The following EIF3D variants were observed in gnomAD, a reference collection of about 807,000 sequenced individuals.
The protein encoded by EIF3D is eIF3 p66.
Under a neutral mutation model 75.4 loss-of-function variants are expected in EIF3D, and 10 were observed. That is an observed-to-expected ratio of 0.13 (90% CI 0.08 to 0.22). The LOEUF is 0.22. EIF3D is among the 10% of genes least tolerant of loss of function. The pLI is 1.00. For synonymous variants in EIF3D, 246 were observed against 248.3 expected (o/e 0.99, Z 0.09); for missense variants, 394 against 708.0 (o/e 0.56, Z 5.03).
At chr22:36,520,546 G>A in intron 7 of EIF3D, 30 bp downstream of exon 7, 1 of 1,491,796 alleles carries the variant, frequency 6.7e-7, no homozygotes, top group Non-Finnish European at 9.3e-7. Flanking sequence ...CATAAGAGCA[G>A]TGTAGAAAGT....
At chr22:36,524,114 T>C (rs1934558401) in intron 4 of EIF3D, 134 bp from the exon 5 acceptor site, 2 of 876,822 alleles carry the variant, frequency 2.3e-6, no homozygotes, top group African/African-American at 1.6e-5. Flanking sequence ...GTGCTTTCAC[T>C]CTACGGCATC....
chr22:36,518,943 G>C (rs145330974), intron 8 of EIF3D, 33 bp from the exon 9 acceptor site: 7 of 1,610,638 alleles, frequency 4.3e-6, no homozygotes, highest in East Asian at 4.5e-5. Context: ...AAGATGGAAA[G>C]ACACTCCCAG....
intron 6 of EIF3D, among the ~76,000 whole-genome samples, chr22:36,521,099 C>T (rs923972202): frequency 6.6e-6 from 1 of 152,136 alleles, no homozygotes; most frequent in African/African-American, 2.4e-5. Flanking sequence ...ACTCGGGAGG[C>T]TGAGGCAGGA....
intron 3 of EIF3D, among the ~76,000 whole-genome samples, chr22:36,525,096 C>G (rs1210607096): frequency 6.6e-6 from 1 of 152,166 alleles, no homozygotes; most frequent in Non-Finnish European, 1.5e-5. Flanking sequence ...GCAGGTATGT[C>G]TAATAGATCA....
chr22:36,512,181 C>T (rs139222161), intron 13 of EIF3D, among the ~76,000 whole-genome samples: 39 of 152,236 alleles, frequency 2.6e-4, no homozygotes, highest in African/African-American at 8.4e-4. Context: ...TGAGCCACCG[C>T]GCCCGGCAGT....
chr22:36,513,635 AT>A (rs1161385858), intron 12 of EIF3D, among the ~76,000 whole-genome samples: 1 of 152,134 alleles, frequency 6.6e-6, no homozygotes, highest in Non-Finnish European at 1.5e-5. Flanking sequence ...GGGTCAAACC[AT>A]GTATTAGTAT....
chr22:36,512,870 C>T (rs1484136143), intron 12 of EIF3D: 1 of 417,260 alleles, frequency 2.4e-6, no homozygotes, highest in Admixed American at 3.9e-5. Context: ...CACACACACA[C>T]ACACACACAC....
At chr22:36,521,308 A>G (rs1934508852) in intron 6 of EIF3D, among the ~76,000 whole-genome samples, 3 of 152,204 alleles carry the variant, frequency 2.0e-5, no homozygotes, top group Non-Finnish European at 4.4e-5. Flanking sequence ...AAGAGGACCA[A>G]AGGGATCAAA....
At chr22:36,524,169 G>C (rs952052411) in intron 4 of EIF3D, among the ~76,000 whole-genome samples, 189 bp from the exon 5 acceptor site, 1 of 152,110 alleles carries the variant, frequency 6.6e-6, no homozygotes, top group Non-Finnish European at 1.5e-5. Flanking sequence ...ACTTTGCTTA[G>C]ACCTATACTC....
chr22:36,511,244 A>G (rs1934329317), intron 14 of EIF3D: 13 of 823,376 alleles, frequency 1.6e-5, no homozygotes, highest in Admixed American at 8.9e-5. Context: ...ACCGGCTTCA[A>G]TCTGGGACTT....
chr22:36,517,472 G>C lies in EIF3D; in HGVS notation c.860-41C>G, dbSNP rs1934446159. 3.8e-6 allele frequency: 6 copies of C among 1,584,776 alleles called. No individual in the cohort carries two copies. In the East Asian group the frequency reaches 1.4e-4, roughly 36 times the overall value. On this transcript the variant is annotated intron_variant, in intron 9 of 14. Coordinates refer to ENST00000216190, the MANE Select transcript of EIF3D (RefSeq NM_003753.4). Reference sequence around the variant, plus strand: ...ATGGTCACTCACCATGCAACAAAGAGTCACTGACAATGTGCGCAGCGCTGT... The same window carrying C: ...ATGGTCACTCACCATGCAACAAAGACTCACTGACAATGTGCGCAGCGCTGT...
In EIF3D at chr22:36,510,992, T is replaced by C; in HGVS notation, c.1642A>G (p.Thr548Ala). The C allele has an allele frequency of 6.2e-7, 1 of 1,608,356 alleles. No homozygotes were observed. Among genetic ancestry groups the C allele is most frequent in the Non-Finnish European group, 8.5e-7 (1 of 1,178,270 alleles). ...EEEEEEEEEET is the reference protein window; with the variant it reads ...EEEEEEEEEEA ...TCCAGCTCCACATCACTGGTTTAAG[T>C]TTCTTCCTCTGAAAGACACAAAAAA... The change falls in exon 15 of 15, where the codon ACT becomes GCT. Residue 548 changes from threonine (T) to alanine (A), a missense_variant. Coordinates refer to ENST00000216190, the MANE Select transcript of EIF3D (RefSeq NM_003753.4).
intron 1 of EIF3D, 42 bp downstream of exon 1, chr22:36,529,034 G>C (rs922146835): frequency 8.1e-6 from 3 of 369,904 alleles, no homozygotes; most frequent in Non-Finnish European, 1.4e-5. Context: ...AGTCCGAACC[G>C]GCTCCGGAGG....
chr22:36,512,525 G>C lies in EIF3D; in HGVS notation c.1284C>G (p.Asn428Lys). 1 of 1,614,208 alleles carries C rather than the reference G, an allele frequency of 6.2e-7. No homozygotes were observed. Among genetic ancestry groups the C allele is most frequent in the Non-Finnish European group, 8.5e-7 (1 of 1,180,042 alleles). The change falls in exon 13 of 15, where the codon AAC (asparagine) becomes AAG (lysine). Residue 428 changes from asparagine (N) to lysine (K), a missense_variant. Coordinates refer to ENST00000216190, the MANE Select transcript of EIF3D (RefSeq NM_003753.4). ...GAVIATELKN[N>K]SYKLARWTCC... The stretch of plus-strand genomic sequence containing the variant: ...AGGTCCACCGGGCCAACTTGTAGCT[G>C]TTGTTCTTCAGCTCCGTGGCAATGA...
chr22:36,525,411 T>C (rs1934584090), intron 3 of EIF3D, among the ~76,000 whole-genome samples: 1 of 152,052 alleles, frequency 6.6e-6, no homozygotes. Context: ...GCCCAGCTAA[T>C]GTTTTCAACA....
chr22:36,523,845 T>A, intron 5 of EIF3D, 50 bp downstream of exon 5: 1 of 1,561,804 alleles, frequency 6.4e-7, no homozygotes, highest in South Asian at 1.1e-5. Flanking sequence ...GGTTTCCAAA[T>A]ACGGCCAGTC....
intron 7 of EIF3D, among the ~76,000 whole-genome samples, chr22:36,520,109 G>T (rs2235319): frequency 8.6e-5 from 13 of 151,340 alleles, no homozygotes; most frequent in African/African-American, 3.2e-4. Flanking sequence ...ATACCAGGAA[G>T]TTAAAAAGAA....
intron 1 of EIF3D, among the ~76,000 whole-genome samples, chr22:36,527,578 C>T (rs182416618): frequency 2.0e-5 from 3 of 152,322 alleles, no homozygotes; most frequent in Admixed American, 1.3e-4. Context: ...CGGTGGCTCA[C>T]GCCTGTAATC....
At chr22:36,519,274 G>A (rs1183884973) in intron 8 of EIF3D, 131 bp downstream of exon 8, 2 of 1,335,288 alleles carry the variant, frequency 1.5e-6, no homozygotes, top group East Asian at 2.3e-5. Flanking sequence ...CACATTTCCG[G>A]TCTACCTGGC....
Sources: allele counts gnomAD v4.1 joint callset (sites outside exome capture counted in the v4.1 genomes callset), GRCh38; gene constraint gnomAD v4.1.1; transcripts MANE v1.5; gene names NCBI Gene and HGNC (gene_info 2026-07-23, HGNC 2026-07-21).